Variants in SMPD3 observed in about 807,000 individuals in gnomAD.
SMPD3 encodes nSMase-2.
SMPD3 carries 21 observed loss-of-function variants against 55.7 expected under a neutral mutation model. That is an observed-to-expected ratio of 0.38 (90% CI 0.27 to 0.54). The LOEUF is 0.54. SMPD3 is among the 20% of genes least tolerant of loss of function. SMPD3 has a pLI of 0.80. For missense variants in SMPD3, 842 were observed against 899.6 expected, an observed-to-expected ratio of 0.94 and a Z score of 0.82; for synonymous variants, 457 against 404.3, an observed-to-expected ratio of 1.13 and a Z score of -1.56.
intron 2 of SMPD3, among the ~76,000 whole-genome samples, chr16:68,381,713 T>C (rs1226425322): frequency 6.6e-6 from 1 of 152,180 alleles, no homozygotes; most frequent in African/African-American, 2.4e-5. Context: ...TGAAGAGACA[T>C]GGAGCAGGGC....
intron 1 of SMPD3, among the ~76,000 whole-genome samples, chr16:68,434,178 A>C (rs2090502244): frequency 6.6e-6 from 1 of 152,144 alleles, no homozygotes; most frequent in African/African-American, 2.4e-5. Flanking sequence ...CTTTTAATTA[A>C]ATTTTCATTA....
chr16:68,442,029 G>A (rs1007912152), intron 1 of SMPD3, among the ~76,000 whole-genome samples: 5 of 152,296 alleles, frequency 3.3e-5, no homozygotes, highest in South Asian at 2.1e-4. Context: ...GCCTCCCAAA[G>A]TGTTGGGATT....
chr16:68,372,575 A>C (rs72792231), intron 2 of SMPD3, among the ~76,000 whole-genome samples, 188 bp from the exon 3 acceptor site: 112 of 152,326 alleles, frequency 7.4e-4, no homozygotes, highest in Non-Finnish European at 1.1e-3. Flanking sequence ...CGCTTCCTCC[A>C]TGTATGCTGT....
At chr16:68,402,354 T>C (rs2090216831) in intron 1 of SMPD3, among the ~76,000 whole-genome samples, 1 of 152,160 alleles carries the variant, frequency 6.6e-6, no homozygotes, top group Admixed American at 6.5e-5. Context: ...TGATTCTGTG[T>C]GCATATTTGT....
intron 2 of SMPD3, among the ~76,000 whole-genome samples, chr16:68,374,658 G>A (rs2089763560): frequency 6.6e-6 from 1 of 152,224 alleles, no homozygotes; most frequent in Admixed American, 6.5e-5. Context: ...CCCAGCAATT[G>A]CTGCAAGATG....
intron 2 of SMPD3, among the ~76,000 whole-genome samples, chr16:68,378,070 A>G (rs1307219418): frequency 6.6e-6 from 1 of 152,194 alleles, no homozygotes; most frequent in Non-Finnish European, 1.5e-5. Context: ...TCTTCCCGGC[A>G]GCAGGGCTGG....
At chr16:68,414,493 A>G (rs2090324578) in intron 1 of SMPD3, among the ~76,000 whole-genome samples, 1 of 152,114 alleles carries the variant, frequency 6.6e-6, no homozygotes. Flanking sequence ...GGTTTGGGAG[A>G]TGGAGTCAGT....
At chr16:68,414,984 C>G (rs970517557) in intron 1 of SMPD3, among the ~76,000 whole-genome samples, 1 of 152,166 alleles carries the variant, frequency 6.6e-6, no homozygotes, top group East Asian at 1.9e-4. Context: ...GATGCTGAGG[C>G]CTCATCTGAG....
chr16:68,371,825 C>T lies in SMPD3; in HGVS notation c.357G>A (p.Gly119=). 1 of 1,605,312 alleles carries T rather than the reference C, an allele frequency of 6.2e-7. No individual in the cohort carries two copies. The highest frequency in any genetic ancestry group is 8.5e-7 in the Non-Finnish European group (1 of 1,176,644). ...TGGCAAAGCAGAAGCTTTTGCCAGGCCCCGTGCCCTTCCATTCACTGAGCA... is the reference window on the plus strand; with the variant it reads ...TGGCAAAGCAGAAGCTTTTGCCAGGTCCCGTGCCCTTCCATTCACTGAGCA... ...AALLSEWKGT[G]PGKSFCFATA... is the part of the protein sequence containing the mutation. The change falls in exon 3 of 9, where the codon GGG becomes GGA. Residue 119 remains glycine, a synonymous_variant. Coordinates refer to ENST00000219334, the MANE Select transcript of SMPD3 (RefSeq NM_018667.4).
chr16:68,424,413 C>T (rs183716481), intron 1 of SMPD3, among the ~76,000 whole-genome samples: 2 of 152,022 alleles, frequency 1.3e-5, no homozygotes, highest in African/African-American at 4.8e-5. Flanking sequence ...GCCTGCAGAG[C>T]TTTGGTCCTG....
At chr16:68,379,422 G>A (rs965240258) in intron 2 of SMPD3, among the ~76,000 whole-genome samples, 2 of 152,360 alleles carry the variant, frequency 1.3e-5, no homozygotes, top group Non-Finnish European at 2.9e-5. Context: ...GTGCAGCACC[G>A]AGTGTGGTGC....
chr16:68,372,361 G>C lies in SMPD3; in HGVS notation c.-180C>G, dbSNP rs2089694339. The C allele has an allele frequency of 6.4e-6, 5 of 786,752 alleles. No individual in the cohort carries two copies. Among genetic ancestry groups the C allele is most frequent in the Non-Finnish European group, 1.0e-5 (5 of 493,476 alleles). 48.7% of individuals were successfully genotyped at this position (786,752 alleles called of 1,614,324 possible). On this transcript the variant is annotated 5_prime_UTR_variant, in exon 3 of 9. Coordinates refer to ENST00000219334, the MANE Select transcript of SMPD3 (RefSeq NM_018667.4). ...CCAGCCGGTCATGGTTCACCTCGGT[G>C]GGCCATGCGGAGGCCTACTGCAGAC...
At chr16:68,374,621 C>T (rs1024976661) in intron 2 of SMPD3, among the ~76,000 whole-genome samples, 3 of 152,210 alleles carry the variant, frequency 2.0e-5, no homozygotes, top group African/African-American at 4.8e-5. Context: ...GACTCCAGGA[C>T]GTACTCCCTC....
intron 2 of SMPD3, among the ~76,000 whole-genome samples, chr16:68,378,585 T>C (rs1477569021): frequency 6.9e-6 from 1 of 144,272 alleles, no homozygotes. Context: ...ACCCCCTCAG[T>C]CTGTCACTCT....
intron 5 of SMPD3, 78 bp downstream of exon 5, chr16:68,364,669 CCTAA>C: frequency 6.8e-7 from 1 of 1,464,052 alleles, no homozygotes; most frequent in Non-Finnish European, 9.3e-7. Context: ...CTTTGAGCTG[CCTAA>C]CGAAGTCTGT....
chr16:68,437,361 C>T (rs774392539), intron 1 of SMPD3, among the ~76,000 whole-genome samples: 4 of 152,246 alleles, frequency 2.6e-5, no homozygotes, highest in Admixed American at 6.5e-5. Flanking sequence ...CACCATTCAA[C>T]CCTGTCGAGT....
intron 7 of SMPD3, among the ~76,000 whole-genome samples, chr16:68,363,192 C>T (rs2089366952): frequency 6.6e-6 from 1 of 151,960 alleles, no homozygotes; most frequent in Admixed American, 6.6e-5. Flanking sequence ...GGGGAAATTC[C>T]AGGCCCTTTC....
At chr16:68,410,462 G>T (rs1204809822) in intron 1 of SMPD3, among the ~76,000 whole-genome samples, 1 of 152,122 alleles carries the variant, frequency 6.6e-6, no homozygotes, top group Non-Finnish European at 1.5e-5. Flanking sequence ...CCAGCCTCAG[G>T]CTATTTGGGC....
chr16:68,361,436 G>T, intron 8 of SMPD3, 129 bp from the exon 9 acceptor site: 1 of 1,363,892 alleles, frequency 7.3e-7, no homozygotes, highest in Non-Finnish European at 1.0e-6. Flanking sequence ...GCAGTCAGAG[G>T]GATGGGGCCT....
Sources: gnomAD v4.1 joint callset for allele counts (sites outside exome capture counted in the v4.1 genomes callset) on GRCh38, gnomAD v4.1.1 for gene constraint, MANE v1.5 for transcripts, NCBI Gene and HGNC (gene_info 2026-07-23, HGNC 2026-07-21) for gene names.